Variants in SLC6A11 observed in about 807,000 individuals in gnomAD.
SLC6A11 encodes the protein sodium- and chloride-dependent GABA transporter 3.
In SLC6A11, 25 loss-of-function variants were observed where a neutral mutation model predicts 74.8. The ratio of observed to expected loss-of-function variants is 0.33; its 90% CI spans 0.24 to 0.47. The LOEUF is 0.47. Among genes scored for constraint, SLC6A11 ranks in the 20% least tolerant of loss-of-function variants. SLC6A11 has a pLI of 1.00. For synonymous variants in SLC6A11, 330 were observed against 330.2 expected (o/e 1.00, Z 0.01); for missense variants, 574 against 837.0 (o/e 0.69, Z 3.88).
At chr3:10,936,536 C>T (rs1426997444) in intron 13 of SLC6A11, among the ~76,000 whole-genome samples, 1 of 141,132 alleles carries the variant, frequency 7.1e-6, no homozygotes, top group African/African-American at 2.7e-5. Flanking sequence ...TGCCTGCCCA[C>T]CGAGGGGCCT....
chr3:10,828,933 T>C (rs774647886), intron 4 of SLC6A11, among the ~76,000 whole-genome samples: 1 of 152,252 alleles, frequency 6.6e-6, no homozygotes. Context: ...GCCAGCACAT[T>C]CTAGGTGCTC....
intron 3 of SLC6A11, 21 bp from the exon 4 acceptor site, chr3:10,823,281 C>T: frequency 3.2e-6 from 5 of 1,556,020 alleles, no homozygotes; most frequent in Non-Finnish European, 4.4e-6. Context: ...TCTTCTATTT[C>T]TTGTCTTGTT....
At chr3:10,846,684 T>G (rs2106587232) in intron 5 of SLC6A11, among the ~76,000 whole-genome samples, 1 of 152,282 alleles carries the variant, frequency 6.6e-6, no homozygotes, top group African/African-American at 2.4e-5. Context: ...CACAAGAGGC[T>G]TATGGGGAAG....
At position 10,918,281 on chromosome 3, in the gene SLC6A11, C is replaced by G. The variant is rs752274871; in HGVS notation, c.996-48C>G. 6.6e-7 allele frequency: 1 copy of G among 1,512,362 alleles called. No individual in the cohort carries two copies. The allele number at this position is 1,512,362 out of a possible 1,614,324, so 93.7% of individuals were successfully genotyped here. ...GGGTGGAGAACGTTTGAGCCGTGCA[C>G]CGGTTCTGCCCGCTCTGACCCTAGT... On this transcript the variant is annotated intron_variant, in intron 7 of 13. Transcript: ENST00000254488. This position sits in a 1 kb window ranked among gnomAD's most constrained non-coding sequence, Gnocchi z 4.5.
At chr3:10,892,998 C>T (rs185772957) in intron 6 of SLC6A11, among the ~76,000 whole-genome samples, 1 of 152,252 alleles carries the variant, frequency 6.6e-6, no homozygotes, top group East Asian at 1.9e-4. Flanking sequence ...TCCAACTCTA[C>T]CTCTCCTATG....
In SLC6A11 at chr3:10,929,355, C is replaced by T. The variant is rs201196996; in HGVS notation, c.1371+16C>T. ...GTTAACAGAGGTGAGTGGCATGGTT[C>T]GGGCCGCACGGGGTGAAGTGGGTGT... On this transcript the variant is annotated intron_variant, in intron 10 of 13. Coordinates refer to ENST00000254488, the MANE Select transcript of SLC6A11 (RefSeq NM_014229.3). 178 of 1,612,606 alleles carry T rather than the reference C, an allele frequency of 1.1e-4. No individual in the cohort carries two copies. The highest frequency in any genetic ancestry group is 1.7e-4 in the Middle Eastern group (1 of 6,052).
chr3:10,901,339 G>A (rs1214026428), intron 6 of SLC6A11, among the ~76,000 whole-genome samples: 2 of 152,240 alleles, frequency 1.3e-5, no homozygotes, highest in South Asian at 4.1e-4. Context: ...CAAAAGCCCA[G>A]CCACAGTGAC....
At position 10,875,842 on chromosome 3, in the gene SLC6A11, A is replaced by T. The variant is rs533293461; in HGVS notation, c.891+747A>T. Among the ~76,000 whole-genome samples, 9 of 152,244 alleles carry T rather than the reference A, an allele frequency of 5.9e-5. No individual in the cohort carries two copies. The East Asian group carries it at 1.7e-3, about 29-fold the overall frequency. On this transcript the variant is annotated intron_variant, in intron 6 of 13. Coordinates refer to ENST00000254488, the MANE Select transcript of SLC6A11 (RefSeq NM_014229.3). Reference sequence around the variant, plus strand: ...TCTCAACCTCAGCTACACGTCAGAAACTCTTGGGGAGCTTTTGAAAACCCT... The same window carrying T: ...TCTCAACCTCAGCTACACGTCAGAATCTCTTGGGGAGCTTTTGAAAACCCT...
intron 4 of SLC6A11, among the ~76,000 whole-genome samples, chr3:10,833,276 G>C (rs1694321494): frequency 6.6e-6 from 1 of 152,160 alleles, no homozygotes; most frequent in African/African-American, 2.4e-5. Context: ...TGGCCAGGCT[G>C]GTCTCAAACT....
At chr3:10,891,569 A>G (rs1695107988) in intron 6 of SLC6A11, among the ~76,000 whole-genome samples, 1 of 152,208 alleles carries the variant, frequency 6.6e-6, no homozygotes, top group Non-Finnish European at 1.5e-5. Context: ...GGTATTTGGC[A>G]AAGAACTCCA....
intron 6 of SLC6A11, among the ~76,000 whole-genome samples, chr3:10,877,683 T>A (rs1156932082): frequency 3.3e-5 from 5 of 152,108 alleles, no homozygotes; most frequent in Non-Finnish European, 7.3e-5. Context: ...GTTCCAGGCA[T>A]ACAAAACAAC....
chr3:10,854,495 G>A (rs961607063), intron 5 of SLC6A11, among the ~76,000 whole-genome samples: 8 of 152,346 alleles, frequency 5.3e-5, no homozygotes, highest in South Asian at 2.1e-4. Flanking sequence ...CTTAACATGT[G>A]TAATCAGAGC....
At chr3:10,818,800 G>A (rs190626282) in intron 1 of SLC6A11, among the ~76,000 whole-genome samples, 52 of 152,296 alleles carry the variant, frequency 3.4e-4, no homozygotes, top group Non-Finnish European at 5.7e-4. Context: ...CCCAGGAAAT[G>A]GGTATTGTGT....
intron 5 of SLC6A11, among the ~76,000 whole-genome samples, chr3:10,860,493 CCAA>C (rs566484922): frequency 1.7e-3 from 258 of 152,210 alleles, no homozygotes; most frequent in African/African-American, 6.0e-3. Context: ...TTGGGGGACA[CCAA>C]CATGTAAGGG....
At chr3:10,911,547 C>G (rs761506802) in intron 6 of SLC6A11, among the ~76,000 whole-genome samples, 22 of 152,142 alleles carry the variant, frequency 1.4e-4, no homozygotes, top group Non-Finnish European at 2.9e-4. Flanking sequence ...ACCTTTTATG[C>G]TGAGGTCAGC....
intron 6 of SLC6A11, among the ~76,000 whole-genome samples, chr3:10,881,703 G>T (rs1172388332): frequency 3.3e-5 from 5 of 152,230 alleles, no homozygotes; most frequent in African/African-American, 1.2e-4. Flanking sequence ...GCCAGGACAA[G>T]TGGGCACGTG....
intron 6 of SLC6A11, among the ~76,000 whole-genome samples, chr3:10,908,942 T>C (rs929505632): frequency 1.3e-5 from 2 of 152,046 alleles, no homozygotes; most frequent in African/African-American, 2.4e-5. Flanking sequence ...TGAAATGAAA[T>C]GTTCTAGGAT....
intron 8 of SLC6A11, among the ~76,000 whole-genome samples, chr3:10,921,217 T>A (rs1205530049): frequency 6.6e-6 from 1 of 152,260 alleles, no homozygotes; most frequent in Non-Finnish European, 1.5e-5. Context: ...GGAATGATTT[T>A]ACACAGCTTA....
At chr3:10,846,938 G>C (rs552638810) in intron 5 of SLC6A11, among the ~76,000 whole-genome samples, 41 of 152,318 alleles carry the variant, frequency 2.7e-4, no homozygotes, top group Admixed American at 2.7e-3. Context: ...GTTTTGAGTG[G>C]TGTCCTTTCA....
Sources: gnomAD v4.1 joint callset for allele counts (sites outside exome capture counted in the v4.1 genomes callset) on GRCh38, gnomAD v4.1.1 for gene constraint, Gnocchi (gnomAD v3.1) non-coding constraint, MANE v1.5 for transcripts, NCBI Gene and HGNC (gene_info 2026-07-23, HGNC 2026-07-21) for gene names.